Variants in NFATC3 observed in about 807,000 individuals in gnomAD.
NFATC3 encodes nuclear factor of activated T cells 3, also known as nuclear factor of activated T-cells, cytoplasmic 3.
Under a neutral mutation model 98.6 loss-of-function variants are expected in NFATC3, and 46 were observed. The ratio of observed to expected loss-of-function variants is 0.47; its 90% CI spans 0.37 to 0.60. The LOEUF (loss-of-function observed/expected upper bound fraction) is 0.60, where lower values mean the gene tolerates loss of function less well. Ranked by LOEUF, NFATC3 falls within the 20% of genes least tolerant of loss-of-function variation. The pLI, the probability that NFATC3 is intolerant of heterozygous loss-of-function variation, is 0.00. For missense variants in NFATC3, 1,256 were observed against 1,295.5 expected, an observed-to-expected ratio of 0.97 and a Z score of 0.47; for synonymous variants, 512 against 472.2, an observed-to-expected ratio of 1.08 and a Z score of -1.09.
chr16:68,187,827 T>C (rs981849191), intron 8 of NFATC3, among the ~76,000 whole-genome samples: 1 of 152,226 alleles, frequency 6.6e-6, no homozygotes, highest in Non-Finnish European at 1.5e-5. Context: ...GTTCGCACTC[T>C]GGTCTGTGGG....
At chr16:68,121,242 CTTTTTTTTTTTT>C (rs753615194) in intron 1 of NFATC3, among the ~76,000 whole-genome samples, 1 of 102,392 alleles carries the variant, frequency 9.8e-6, no homozygotes, top group African/African-American at 3.9e-5. Flanking sequence ...CTTTTCTTTT[CTTTTTTTTTTTT>C]TTTTTTTTTT....
intron 9 of NFATC3, chr16:68,214,250 A>C (rs990967327): frequency 1.1e-5 from 11 of 1,038,774 alleles, no homozygotes; most frequent in Middle Eastern, 2.1e-4. Context: ...TAGAAAAAAA[A>C]CAGGCTGGGC....
In NFATC3 at chr16:68,090,322, A is replaced by AACACACACAC. The variant is rs60304758; in HGVS notation, c.103+4547_103+4556dup. 4.8e-3 allele frequency among the ~76,000 whole-genome samples: 605 copies of AACACACACAC among 125,870 alleles called. 4 individuals carry two copies. Among genetic ancestry groups the AACACACACAC allele is most frequent in the African/African-American group, 0.017 (570 of 33,170 alleles). The allele number at this position is 125,870 out of a possible 152,430, so 82.6% of individuals were successfully genotyped here. ...CCCCCCCCCCCAACATTTCTTTAAA[A>AACACACACAC]ACACACACACACACACACGCACACA... is the stretch of plus-strand genomic sequence containing the variant. On this transcript the variant is annotated intron_variant, in intron 1 of 9. Coordinates refer to ENST00000346183, the MANE Select transcript of NFATC3 (RefSeq NM_173165.3).
intron 1 of NFATC3, among the ~76,000 whole-genome samples, chr16:68,107,848 G>T (rs1050646425): frequency 6.6e-6 from 1 of 151,234 alleles, no homozygotes; most frequent in Non-Finnish European, 1.5e-5. Context: ...ATGTTTGTTG[G>T]GCTGCATAAA....
intron 2 of NFATC3, among the ~76,000 whole-genome samples, chr16:68,124,153 G>T (rs1368400849): frequency 1.3e-5 from 2 of 152,130 alleles, no homozygotes; most frequent in Non-Finnish European, 2.9e-5. Context: ...CCAGACTGGA[G>T]TGCAGTGGGG....
At chr16:68,104,609 T>C (rs1286800486) in intron 1 of NFATC3, among the ~76,000 whole-genome samples, 1 of 152,028 alleles carries the variant, frequency 6.6e-6, no homozygotes, top group Admixed American at 6.6e-5. Flanking sequence ...GGAAGGCTTT[T>C]GTTTTACACC....
intron 4 of NFATC3, among the ~76,000 whole-genome samples, chr16:68,159,440 T>C (rs1046658530): frequency 6.0e-5 from 9 of 151,116 alleles, no homozygotes; most frequent in African/African-American, 1.9e-4. Flanking sequence ...TTTATTTTTT[T>C]CAAGATGGAG....
At chr16:68,197,620 A>C (rs1294527817) in intron 9 of NFATC3, among the ~76,000 whole-genome samples, 1 of 152,230 alleles carries the variant, frequency 6.6e-6, no homozygotes, top group Non-Finnish European at 1.5e-5. Context: ...AACATACCAG[A>C]AAGGATTGAA....
intron 1 of NFATC3, among the ~76,000 whole-genome samples, chr16:68,090,343 A>G (rs958338258): frequency 1.5e-5 from 2 of 129,322 alleles, no homozygotes; most frequent in African/African-American, 6.0e-5. Context: ...ACACACACGC[A>G]CACACACACG....
intron 9 of NFATC3, among the ~76,000 whole-genome samples, chr16:68,224,274 C>G (rs1369772148): frequency 8.2e-6 from 1 of 121,668 alleles, no homozygotes; most frequent in Non-Finnish European, 1.7e-5. Flanking sequence ...TAAGCCAAAT[C>G]TTTTTTTTTT....
intron 3 of NFATC3, 36 bp from the exon 4 acceptor site, chr16:68,157,833 G>A: frequency 3.9e-6 from 6 of 1,552,092 alleles, no homozygotes; most frequent in Non-Finnish European, 5.3e-6. Flanking sequence ...CATGGATAAT[G>A]AATTGTGCTT....
intron 1 of NFATC3, among the ~76,000 whole-genome samples, chr16:68,108,127 T>A (rs1321430481): frequency 1.3e-5 from 2 of 152,212 alleles, no homozygotes; most frequent in Non-Finnish European, 2.9e-5. Context: ...TTTTGCCATT[T>A]TCATCAAGAA....
chr16:68,169,607 A>G (rs953491169), intron 5 of NFATC3, among the ~76,000 whole-genome samples: 2 of 152,036 alleles, frequency 1.3e-5, no homozygotes, highest in African/African-American at 2.4e-5. Flanking sequence ...GTTTGAGATG[A>G]AGTTACGCTA....
Position 68,085,744 on chromosome 16 carries a change from C to G in NFATC3, c.63C>G (p.Asp21Glu). 1.3e-6 allele frequency: 2 copies of G among 1,502,048 alleles called. No homozygotes were observed. The highest frequency in any genetic ancestry group is 1.2e-5 in the South Asian group (1 of 80,550). 93.0% of individuals were successfully genotyped at this position (1,502,048 alleles called of 1,614,324 possible). A position where few individuals can be genotyped will look rare whatever the true frequency, so the allele number is the denominator to read the frequency against. ...ELDFKLVFGEDGAPAPPPPGS... is the reference protein window; with the variant it reads ...ELDFKLVFGEEGAPAPPPPGS... ...ACTTCAAACTCGTCTTTGGCGAGGA[C>G]GGGGCGCCGGCGCCGCCGCCCCCGG... is the stretch of plus-strand genomic sequence containing the variant. Residue 21 changes from aspartate to glutamate, a missense_variant, in exon 1 of 10, where the codon GAC becomes GAG. Asp to Glu is a conservative substitution (Grantham distance 45). Coordinates refer to ENST00000346183, the MANE Select transcript of NFATC3 (RefSeq NM_173165.3).
At chr16:68,089,639 C>G (rs945675838) in intron 1 of NFATC3, 1 of 152,022 alleles carries the variant, frequency 6.6e-6, no homozygotes, top group East Asian at 1.9e-4. Flanking sequence ...TAATATCTAG[C>G]TCTAAATAGA....
intron 6 of NFATC3, among the ~76,000 whole-genome samples, chr16:68,177,010 T>TTTTC (rs1364441661): frequency 1.3e-5 from 2 of 151,688 alleles, no homozygotes; most frequent in Admixed American, 1.3e-4. Context: ...TCATATATAT[T>TTTTC]TTTCTTTCTT....
chr16:68,127,154 A>G (rs953432731), intron 3 of NFATC3, among the ~76,000 whole-genome samples: 1 of 152,178 alleles, frequency 6.6e-6, no homozygotes, highest in Non-Finnish European at 1.5e-5. Flanking sequence ...CAGAGGTTGC[A>G]GTGAGCCAAG....
At chr16:68,126,953 G>A (rs1249682645) in intron 3 of NFATC3, among the ~76,000 whole-genome samples, 2 of 152,120 alleles carry the variant, frequency 1.3e-5, no homozygotes, top group South Asian at 2.1e-4. Context: ...GGTGGCTCAC[G>A]CTTGTAATCC....
At chr16:68,224,168 A>G (rs954189701) in intron 9 of NFATC3, among the ~76,000 whole-genome samples, 3 of 149,940 alleles carry the variant, frequency 2.0e-5, no homozygotes, top group African/African-American at 7.3e-5. Context: ...AGTAGTTATT[A>G]GCTCACCAGT....
Sources: gnomAD v4.1 joint callset for allele counts (sites outside exome capture counted in the v4.1 genomes callset) on GRCh38, gnomAD v4.1.1 for gene constraint, MANE v1.5 for transcripts, NCBI Gene and HGNC (gene_info 2026-07-23, HGNC 2026-07-21) for gene names.